The following TBC1D22A variants were observed in gnomAD, a reference collection of about 807,000 sequenced individuals.
TBC1D22A encodes the protein TBC1 domain family member 22A.
In TBC1D22A, 38 loss-of-function variants were observed where a neutral mutation model predicts 60.2. That is an observed-to-expected ratio of 0.63 (90% confidence interval 0.49 to 0.83). The LOEUF is 0.83. Among genes scored for constraint, TBC1D22A ranks in the 40% least tolerant of loss-of-function variants. The probability of loss-of-function intolerance (pLI) is 0.00; values close to 1 mark genes in which losing one functional copy is unlikely to be tolerated. For missense variants in TBC1D22A, 628 were observed against 701.0 expected, an observed-to-expected ratio of 0.90 and a Z score of 1.18; for synonymous variants, 302 against 281.7, an observed-to-expected ratio of 1.07 and a Z score of -0.72.
At chr22:47,056,169 TGGGCC>T (rs972174985) in intron 11 of TBC1D22A, among the ~76,000 whole-genome samples, 3 of 151,942 alleles carry the variant, frequency 2.0e-5, no homozygotes, top group African/African-American at 7.3e-5. Flanking sequence ...GTGTGGGTGG[TGGGCC>T]GGGCCGGGCT....
intron 11 of TBC1D22A, among the ~76,000 whole-genome samples, chr22:47,040,145 C>T (rs2062794161): frequency 6.6e-6 from 1 of 151,856 alleles, no homozygotes; most frequent in African/African-American, 2.4e-5. Flanking sequence ...TGAGGTTTCA[C>T]CGTGTTAGCC....
chr22:47,063,467 G>A (rs1397364388), intron 11 of TBC1D22A, among the ~76,000 whole-genome samples: 3 of 152,300 alleles, frequency 2.0e-5, no homozygotes, highest in African/African-American at 4.8e-5. Context: ...GACCGGCGGG[G>A]GTGTGCACCA....
intron 12 of TBC1D22A, among the ~76,000 whole-genome samples, chr22:47,138,661 T>A (rs927240299): frequency 8.5e-5 from 13 of 152,194 alleles, no homozygotes; most frequent in South Asian, 4.1e-4. Context: ...AGCATCTTAG[T>A]CTCTCCGGGC....
At chr22:47,004,312 C>T (rs1307973369) in intron 10 of TBC1D22A, among the ~76,000 whole-genome samples, 4 of 150,560 alleles carry the variant, frequency 2.7e-5, no homozygotes, top group Non-Finnish European at 5.9e-5. Flanking sequence ...TACACAACCC[C>T]TCATACACAC....
intron 4 of TBC1D22A, among the ~76,000 whole-genome samples, chr22:46,841,047 GGTGT>G (rs56029066): frequency 2.6e-4 from 39 of 147,542 alleles, no homozygotes; most frequent in African/African-American, 6.6e-4. Context: ...AATGAAAATG[GGTGT>G]GTGTGTGTGT....
chr22:47,066,394 G>C (rs1369600694), intron 11 of TBC1D22A, among the ~76,000 whole-genome samples: 1 of 152,136 alleles, frequency 6.6e-6, no homozygotes, highest in Non-Finnish European at 1.5e-5. Context: ...ATGAGGGGAT[G>C]CTCGAGTCAG....
At chr22:47,056,467 C>G (rs760298866) in intron 11 of TBC1D22A, among the ~76,000 whole-genome samples, 11 of 152,128 alleles carry the variant, frequency 7.2e-5, no homozygotes, top group South Asian at 2.1e-4. Context: ...AGGCCACCCC[C>G]CTTCCTGATG....
intron 11 of TBC1D22A, among the ~76,000 whole-genome samples, chr22:47,094,673 G>A (rs918238157): frequency 6.6e-6 from 1 of 152,236 alleles, no homozygotes; most frequent in Admixed American, 6.5e-5. Context: ...AATATCCATT[G>A]GGAATTTTAA....
At chr22:47,008,527 G>A (rs1440559552) in intron 10 of TBC1D22A, among the ~76,000 whole-genome samples, 2 of 152,244 alleles carry the variant, frequency 1.3e-5, no homozygotes, top group African/African-American at 4.8e-5. Flanking sequence ...CTTTGTGGAG[G>A]CTGATTTGTA....
intron 11 of TBC1D22A, among the ~76,000 whole-genome samples, chr22:47,044,867 T>C (rs2062978174): frequency 6.6e-6 from 1 of 152,232 alleles, no homozygotes; most frequent in Admixed American, 6.5e-5. Flanking sequence ...TCTTCATGTA[T>C]CAATCATGTT....
In TBC1D22A at chr22:47,041,581, G is replaced by A. The variant is rs559347982; in HGVS notation, c.1329+4383G>A. Among the ~76,000 whole-genome samples, 10 of 152,286 alleles carry A rather than the reference G, an allele frequency of 6.6e-5. No homozygotes were observed. The South Asian group carries it at 1.0e-3, about 16-fold the overall frequency. ...GAAAAGGTTTATTTGAGTATTTCAC[G>A]GAAGCCCTGGTGGGTCCATGTTCTC... On this transcript the variant is annotated intron_variant, in intron 11 of 12. Transcript: ENST00000337137.
intron 12 of TBC1D22A, among the ~76,000 whole-genome samples, chr22:47,117,574 G>T (rs2147746235): frequency 6.6e-6 from 1 of 150,856 alleles, no homozygotes; most frequent in Non-Finnish European, 1.5e-5. Context: ...GTGGCATCGA[G>T]CAGGGAGAGT....
chr22:47,032,509 AAC>A (rs35156620), intron 10 of TBC1D22A, among the ~76,000 whole-genome samples: 52,077 of 151,936 alleles, frequency 0.34, 9,732 homozygotes, highest in African/African-American at 0.49. Context: ...AGTGGCCGCG[AAC>A]ACACACCCAA....
intron 3 of TBC1D22A, among the ~76,000 whole-genome samples, chr22:46,794,364 G>A (rs1261770387): frequency 1.3e-5 from 2 of 152,194 alleles, no homozygotes; most frequent in African/African-American, 4.8e-5. Flanking sequence ...CTTTTGGGTC[G>A]GCCACGTTTG....
At chr22:47,133,883 G>A (rs1166499104) in intron 12 of TBC1D22A, among the ~76,000 whole-genome samples, 1 of 152,162 alleles carries the variant, frequency 6.6e-6, no homozygotes, top group African/African-American at 2.4e-5. Context: ...CCTTCCGTGG[G>A]CTGTCTCTCT....
chr22:47,067,517 A>C (rs2063816553), intron 11 of TBC1D22A, among the ~76,000 whole-genome samples: 1 of 152,206 alleles, frequency 6.6e-6, no homozygotes, highest in Non-Finnish European at 1.5e-5. Flanking sequence ...CTCCTTGTAC[A>C]TCCACAGAGA....
chr22:47,100,022 G>T (rs2065348175), intron 11 of TBC1D22A, among the ~76,000 whole-genome samples: 2 of 152,196 alleles, frequency 1.3e-5, no homozygotes, highest in African/African-American at 4.8e-5. Context: ...CCTGAGAGTG[G>T]GTAGATGCTG....
chr22:46,848,436 G>T (rs1002178451), intron 4 of TBC1D22A, among the ~76,000 whole-genome samples: 1 of 152,198 alleles, frequency 6.6e-6, no homozygotes, highest in Admixed American at 6.5e-5. Context: ...TTTAAAGCAG[G>T]TTGTATAAGA....
intron 12 of TBC1D22A, among the ~76,000 whole-genome samples, chr22:47,165,620 A>G (rs533403319): frequency 3.0e-4 from 45 of 152,238 alleles, no homozygotes; most frequent in African/African-American, 1.1e-3. Context: ...TGGGTGCCAC[A>G]GGGTTGCCGG....
Sources: gnomAD v4.1 joint callset for allele counts (sites outside exome capture counted in the v4.1 genomes callset) on GRCh38, gnomAD v4.1.1 for gene constraint, MANE v1.5 for transcripts, NCBI Gene and HGNC (gene_info 2026-07-23, HGNC 2026-07-21) for gene names.